Variants in C6orf132 observed in about 807,000 individuals in gnomAD.
C6orf132 encodes chromosome 6 open reading frame 132, also known as uncharacterized protein C6orf132.
In C6orf132, 43 loss-of-function variants were observed where a neutral mutation model predicts 65.3. That is an observed-to-expected ratio of 0.66 (90% CI 0.52 to 0.85). C6orf132 has a LOEUF of 0.85. Ranked by LOEUF, C6orf132 falls within the 40% of genes least tolerant of loss-of-function variation. C6orf132 has a pLI of 0.00. For missense variants in C6orf132, 1,488 were observed against 1,548.8 expected (o/e 0.96, Z 0.66); for synonymous variants, 631 against 654.1 (o/e 0.96, Z 0.54).
chr6:42,128,169 G>GCC (rs11380880), intron 2 of C6orf132, among the ~76,000 whole-genome samples: 2 of 151,476 alleles, frequency 1.3e-5, no homozygotes, highest in South Asian at 4.2e-4. Context: ...CTCATGATCT[G>GCC]CCCCCTTGGC....
At position 42,107,059 on chromosome 6, in the gene C6orf132, C is replaced by A; in HGVS notation, c.853G>T (p.Gly285Trp). 6.7e-7 allele frequency: 1 copy of A among 1,497,014 alleles called. No individual in the cohort carries two copies. The highest frequency in any genetic ancestry group is 2.2e-5 in the Admixed American group (1 of 45,806). 92.7% of individuals were successfully genotyped at this position (1,497,014 alleles called of 1,614,324 possible). Residue 285 changes from glycine to tryptophan, a missense_variant, in exon 4 of 5, where the codon GGG (glycine) becomes TGG (tryptophan). Physicochemically the swap from Gly to Trp is radical, Grantham distance 184. Coordinates refer to ENST00000341865, the MANE Select transcript of C6orf132 (RefSeq NM_001164446.3). ...SPPRSPAEPK[G>W]SALGPNPEPH... ...TCTGGGTTAGGTCCCAGGGCGCTCC[C>A]CTTTGGCTCAGCAGGGCTTCTCGGG...
rs1448212244 is a variant in C6orf132 at position 42,105,053 on chromosome 6, G to A, written c.2859C>T (p.Asn953=). The A allele has an allele frequency of 7.8e-6, 12 of 1,536,524 alleles. No homozygotes were observed. Among genetic ancestry groups the A allele is most frequent in the Non-Finnish European group, 1.0e-5 (12 of 1,146,772 alleles). The change falls in exon 4 of 5, where the codon AAC becomes AAT. Residue 953 remains asparagine, a synonymous_variant. Transcript: ENST00000341865. ...TGGGCAGCGGGTGGCCCTGGGGGAGGTTGGAGGGAGCTACTCTTTCCCAGG... is the reference window on the plus strand; with the variant it reads ...TGGGCAGCGGGTGGCCCTGGGGGAGATTGGAGGGAGCTACTCTTTCCCAGG... ...PVAWERVAPS[N]LPQGHPLPKS... is the part of the protein sequence containing the mutation.
At position 42,107,479 on chromosome 6, in the gene C6orf132, C is replaced by T. The variant is rs1249787546; in HGVS notation, c.433G>A (p.Gly145Ser). The change falls in exon 4 of 5, where the codon GGC (glycine) becomes AGC (serine). Residue 145 changes from glycine (G) to serine (S), a missense_variant. Gly to Ser is a moderately conservative substitution (Grantham distance 56). Transcript: ENST00000341865. Reference sequence around the variant, plus strand: ...TCCTGAGGGGGCCCTGGGGCTGGGCCTGGGGGAGGTGGGGGGATGAGTAGA... The same window carrying T: ...TCCTGAGGGGGCCCTGGGGCTGGGCTTGGGGGAGGTGGGGGGATGAGTAGA... ...QDLLIPPPPPGPAPGPPQDIS... is the reference protein window; with the variant it reads ...QDLLIPPPPPSPAPGPPQDIS... The T allele has an allele frequency of 1.5e-6, 2 of 1,325,934 alleles. No homozygotes were observed. Among genetic ancestry groups the T allele is most frequent in the Admixed American group, 2.5e-5 (1 of 39,682 alleles). The allele number at this position is 1,325,934 out of a possible 1,614,324, so 82.1% of individuals were successfully genotyped here. A position where few individuals can be genotyped will look rare whatever the true frequency, so the allele number is the denominator to read the frequency against.
Position 42,106,580 on chromosome 6 carries a change from T to C in C6orf132, c.1332A>G (p.Lys444=). 5.2e-6 allele frequency: 8 copies of C among 1,531,402 alleles called. No homozygotes were observed. The highest frequency in any genetic ancestry group is 7.0e-6 in the Non-Finnish European group (8 of 1,143,916). The allele number at this position is 1,531,402 out of a possible 1,614,324, so 94.9% of individuals were successfully genotyped here. Residue 444 remains lysine (K), a synonymous_variant, in exon 4 of 5, where the codon AAA becomes AAG. Transcript: ENST00000341865. ...TGTTCTCTGGGCTGGGGGGGTTGGG[T>C]TTGGGTTTGAGAGCAGGAGAGCTGG... ...PKSSSPALKP[K]PNPPSPENTA...
intron 1 of C6orf132, among the ~76,000 whole-genome samples, chr6:42,141,243 C>T (rs1767025194): frequency 6.6e-6 from 1 of 152,158 alleles, no homozygotes; most frequent in Non-Finnish European, 1.5e-5. Context: ...ACAGCAGGCA[C>T]CAAGGCTATG....
Position 42,104,944 on chromosome 6 carries a change from G to A in C6orf132, c.2968C>T (p.Pro990Ser). ...EFNFEVIPPPPEFSNDPEPPA... is the reference protein window; with the variant it reads ...EFNFEVIPPPSEFSNDPEPPA... ...GGCTCAGGGTCATTGCTGAACTCTG[G>A]CGGCGGTGGGATGACCTCGAAGTTG... The change falls in exon 4 of 5, where the codon CCA becomes TCA. Residue 990 changes from proline to serine, a missense_variant. Pro to Ser is a moderately conservative substitution (Grantham distance 74). Transcript: ENST00000341865. This position sits in a 1 kb window ranked among gnomAD's most constrained non-coding sequence, Gnocchi z 4.1. 1 of 1,478,446 alleles carries A rather than the reference G, an allele frequency of 6.8e-7. No homozygotes were observed. The highest frequency in any genetic ancestry group is 8.9e-7 in the Non-Finnish European group (1 of 1,119,152). The allele number at this position is 1,478,446 out of a possible 1,614,324, so 91.6% of individuals were successfully genotyped here. A position where few individuals can be genotyped will look rare whatever the true frequency, so the allele number is the denominator to read the frequency against.
intron 2 of C6orf132, among the ~76,000 whole-genome samples, chr6:42,114,161 G>A (rs1766532361): frequency 6.6e-6 from 1 of 152,130 alleles, no homozygotes; most frequent in African/African-American, 2.4e-5. Flanking sequence ...CAAGACCACA[G>A]GGCAAAAATC....
chr6:42,141,409 T>C (rs1767027014), intron 1 of C6orf132, among the ~76,000 whole-genome samples: 4 of 152,216 alleles, frequency 2.6e-5, no homozygotes, highest in Non-Finnish European at 2.9e-5. Context: ...CCACATGTCA[T>C]ACACAAGAAA....
chr6:42,113,884 A>G (rs1402677011), intron 2 of C6orf132, among the ~76,000 whole-genome samples: 1 of 152,186 alleles, frequency 6.6e-6, no homozygotes, highest in African/African-American at 2.4e-5. Flanking sequence ...TTGCAGGGCT[A>G]TTATGAGAAT....
intron 1 of C6orf132, among the ~76,000 whole-genome samples, chr6:42,134,738 C>T (rs1201973480): frequency 6.9e-6 from 1 of 144,190 alleles, no homozygotes; most frequent in Non-Finnish European, 1.5e-5. Context: ...TGAGCCATTG[C>T]ACTCCAGCCT....
chr6:42,142,310 G>A lies in C6orf132; in HGVS notation c.135C>T (p.Thr45=). The change falls in exon 1 of 5, where the codon ACC becomes ACT. Residue 45 remains threonine (T), a synonymous_variant. Transcript: ENST00000341865. The stretch of plus-strand genomic sequence containing the variant: ...CCCCGGAGTACTCACCGAAGCCCCC[G>A]GTCCCCTCCTCCGGGGCCTCCTGGG... ...IFTQEAPEEG[T]GGFDGIYYGD... The A allele has an allele frequency of 6.4e-7, 1 of 1,550,568 alleles. No homozygotes were observed. Among genetic ancestry groups the A allele is most frequent in the East Asian group, 2.4e-5 (1 of 40,852 alleles).
At chr6:42,138,867 A>ACACACACACACACACAC (rs1562043744) in intron 1 of C6orf132, among the ~76,000 whole-genome samples, 1 of 151,854 alleles carries the variant, frequency 6.6e-6, no homozygotes. Flanking sequence ...ACACACACAC[A>ACACACACACACACACAC]CACACACACA....
At chr6:42,137,187 T>C (rs1485572942) in intron 1 of C6orf132, among the ~76,000 whole-genome samples, 1 of 152,214 alleles carries the variant, frequency 6.6e-6, no homozygotes, top group Non-Finnish European at 1.5e-5. Context: ...GTCCAGAGCC[T>C]GGTGACAATA....
At chr6:42,131,757 T>C (rs1766857015) in intron 1 of C6orf132, among the ~76,000 whole-genome samples, 2 of 152,250 alleles carry the variant, frequency 1.3e-5, no homozygotes, top group South Asian at 4.1e-4. Flanking sequence ...GCCCTGACTC[T>C]GAGCCATTGT....
chr6:42,139,907 A>G lies in C6orf132; in HGVS notation c.145+2393T>C, dbSNP rs531255747. Among the ~76,000 whole-genome samples the G allele has an allele frequency of 1.8e-4, 28 of 152,298 alleles. 1 individual carries two copies. The South Asian group carries it at 5.8e-3, about 32-fold the overall frequency. On this transcript the variant is annotated intron_variant, in intron 1 of 4. Transcript: ENST00000341865. ...GCCTGGACACTATCCCCTTTAACAG[A>G]AGAAAAAATTGAGGCCCAGAGAGTG...
At position 42,105,060 on chromosome 6, in the gene C6orf132, G is replaced by A. The variant is rs1332719180; in HGVS notation, c.2852C>T (p.Pro951Leu). The A allele has an allele frequency of 1.3e-6, 2 of 1,536,748 alleles. No individual in the cohort carries two copies. The highest frequency in any genetic ancestry group is 2.0e-5 in the Admixed American group (1 of 50,956). The change falls in exon 4 of 5, where the codon CCC (proline) becomes CTC (leucine). Residue 951 changes from proline (P) to leucine (L), a missense_variant. Transcript: ENST00000341865. The stretch of plus-strand genomic sequence containing the variant: ...CGGGTGGCCCTGGGGGAGGTTGGAG[G>A]GAGCTACTCTTTCCCAGGCCACAGG... ...QAPVAWERVA[P>L]SNLPQGHPLP...
intron 2 of C6orf132, among the ~76,000 whole-genome samples, chr6:42,123,276 G>A (rs944067532): frequency 1.3e-4 from 20 of 152,138 alleles, no homozygotes; most frequent in Middle Eastern, 6.8e-3. Context: ...TCAGCTACTC[G>A]GGAGGCTGAG....
intron 2 of C6orf132, among the ~76,000 whole-genome samples, chr6:42,127,134 T>G (rs1443478328): frequency 6.6e-6 from 1 of 152,028 alleles, no homozygotes; most frequent in African/African-American, 2.4e-5. Context: ...TTTAAATTTT[T>G]TGTAGAGATG....
At chr6:42,131,433 G>A (rs1766851684) in intron 1 of C6orf132, among the ~76,000 whole-genome samples, 1 of 152,232 alleles carries the variant, frequency 6.6e-6, no homozygotes, top group Admixed American at 6.5e-5. Flanking sequence ...CTGTTTTACA[G>A]ATGAGGAAAC....
Sources: gnomAD v4.1 joint callset for allele counts (sites outside exome capture counted in the v4.1 genomes callset) on GRCh38, gnomAD v4.1.1 for gene constraint, Gnocchi (gnomAD v3.1) non-coding constraint, MANE v1.5 for transcripts, NCBI Gene and HGNC (gene_info 2026-07-23, HGNC 2026-07-21) for gene names.